The following ATP2A3 variants were observed in gnomAD, a reference collection of about 807,000 sequenced individuals.
ATP2A3 encodes sarcoplasmic/endoplasmic reticulum calcium ATPase 3.
ATP2A3 carries 61 observed loss-of-function variants against 106.8 expected under a neutral mutation model. The observed-to-expected ratio is 0.57, with a 90% CI of 0.46 to 0.71. The LOEUF (loss-of-function observed/expected upper bound fraction) is 0.71, where lower values mean the gene tolerates loss of function less well. ATP2A3 is among the 30% of genes least tolerant of loss of function. The pLI is 0.00. For synonymous variants in ATP2A3, 611 were observed against 609.3 expected, an observed-to-expected ratio of 1.00 and a Z score of -0.04; for missense variants, 1,201 against 1,423.5, an observed-to-expected ratio of 0.84 and a Z score of 2.52.
intron 10 of ATP2A3, among the ~76,000 whole-genome samples, chr17:3,943,814 G>A (rs572561369): frequency 5.9e-5 from 9 of 151,868 alleles, no homozygotes; most frequent in Non-Finnish European, 1.0e-4. Context: ...GTCTGGGCCC[G>A]CTTCCACCCT....
intron 16 of ATP2A3, 83 bp from the exon 17 acceptor site, chr17:3,935,360 T>G: frequency 2.2e-6 from 3 of 1,341,270 alleles, no homozygotes; most frequent in East Asian, 2.3e-5. Flanking sequence ...ATTCCCTGAA[T>G]TCCCTGCAGG....
chr17:3,946,022 T>G (rs955787627), intron 8 of ATP2A3, among the ~76,000 whole-genome samples: 64 of 152,002 alleles, frequency 4.2e-4, no homozygotes, highest in African/African-American at 1.4e-3. Context: ...CCGAGGCGGG[T>G]GGATCACGAG....
At chr17:3,927,782 T>C (rs1349238640) in intron 20 of ATP2A3, 7 of 980,126 alleles carry the variant, frequency 7.1e-6, no homozygotes, top group African/African-American at 3.6e-5. Context: ...GCTCAGCCCC[T>C]AGGGAATGAC....
intron 5 of ATP2A3, 44 bp from the exon 6 acceptor site, chr17:3,950,817 A>G: frequency 6.3e-7 from 1 of 1,582,660 alleles, no homozygotes; most frequent in Non-Finnish European, 8.6e-7. Context: ...TTTGGGCACC[A>G]CCAGCTGGGA....
intron 1 of ATP2A3, among the ~76,000 whole-genome samples, chr17:3,958,761 C>CACACATATATAT (rs2054938818): frequency 1.4e-5 from 2 of 146,390 alleles, no homozygotes; most frequent in African/African-American, 2.5e-5. Context: ...TATATATACA[C>CACACATATATAT]ACACATATAT....
chr17:3,943,321 T>C, intron 11 of ATP2A3, 70 bp downstream of exon 11: 1 of 1,598,128 alleles, frequency 6.3e-7, no homozygotes, highest in Middle Eastern at 1.7e-4. Context: ...CAGTGTCCTG[T>C]CTGCCTTCTC....
chr17:3,934,775 G>A (rs1291401893), intron 17 of ATP2A3, among the ~76,000 whole-genome samples: 1 of 151,502 alleles, frequency 6.6e-6, no homozygotes, highest in Non-Finnish European at 1.5e-5. Context: ...CACCCACCTC[G>A]GCCTCCCAAA....
chr17:3,943,908 C>T (rs1237782791), intron 10 of ATP2A3, among the ~76,000 whole-genome samples: 1 of 152,176 alleles, frequency 6.6e-6, no homozygotes, highest in Non-Finnish European at 1.5e-5. Flanking sequence ...CCGGGGACCC[C>T]TCAGGCCACC....
At position 3,926,095 on chromosome 17, in the gene ATP2A3, G is replaced by T. The variant is rs951639219; in HGVS notation, c.2981-654C>A. On this transcript the variant is annotated intron_variant, in intron 20 of 20. Coordinates refer to ENST00000397041, the MANE Select transcript of ATP2A3 (RefSeq NM_005173.4). The surrounding 1 kb of genome is among the most constrained non-coding windows in gnomAD (Gnocchi z 4.6). ...CTCAGCCACACCTGGGCAGAGCCAG[G>T]AGGTGGGGTGAGAGGACCGCCCCCA... is the stretch of plus-strand genomic sequence containing the variant. Among the ~76,000 whole-genome samples, 1 of 151,456 alleles carries T rather than the reference G, an allele frequency of 6.6e-6. No individual in the cohort carries two copies. The highest frequency in any genetic ancestry group is 1.5e-5 in the Non-Finnish European group (1 of 67,846).
intron 7 of ATP2A3, among the ~76,000 whole-genome samples, chr17:3,948,152 C>G (rs531724680): frequency 3.3e-5 from 5 of 152,118 alleles, no homozygotes; most frequent in Non-Finnish European, 7.3e-5. Context: ...AATCAACCAG[C>G]GCAGCACAAG....
Position 3,930,586 on chromosome 17 carries a change from G to A in ATP2A3, c.2611-152C>T. The A allele has an allele frequency of 8.5e-7, 1 of 1,172,490 alleles. No homozygotes were observed. Among genetic ancestry groups the A allele is most frequent in the Non-Finnish European group, 1.2e-6 (1 of 823,452 alleles). 72.6% of individuals were successfully genotyped at this position (1,172,490 alleles called of 1,614,324 possible). A position where few individuals can be genotyped will look rare whatever the true frequency, so the allele number is the denominator to read the frequency against. ...GGGGTGGGCTGGGGATCCCGGGAGG[G>A]GTGCGGGGTCGGGGCGGCGGTGGGG... On this transcript the variant is annotated intron_variant, in intron 17 of 20. Transcript: ENST00000397041. This position sits in a 1 kb window ranked among gnomAD's most constrained non-coding sequence, Gnocchi z 5.4.
Position 3,925,257 on chromosome 17 carries a change from G to T in ATP2A3, c.*165C>A. The T allele has an allele frequency of 8.7e-7, 1 of 1,155,592 alleles. No homozygotes were observed. Among genetic ancestry groups the T allele is most frequent in the Non-Finnish European group, 1.2e-6 (1 of 800,404 alleles). The allele number at this position is 1,155,592 out of a possible 1,614,324, so 71.6% of individuals were successfully genotyped here. A position where few individuals can be genotyped will look rare whatever the true frequency, so the allele number is the denominator to read the frequency against. The stretch of plus-strand genomic sequence containing the variant: ...GAAGGAAGTGGGGACAGAGACCCCA[G>T]GACGGGGCCCGGGGATGGCCATTCT... On this transcript the variant is annotated 3_prime_UTR_variant, in exon 21 of 21. Transcript: ENST00000397041. This position sits in a 1 kb window ranked among gnomAD's most constrained non-coding sequence, Gnocchi z 4.2.
chr17:3,942,863 C>T (rs909056481), intron 11 of ATP2A3, 132 bp from the exon 12 acceptor site: 8 of 1,345,394 alleles, frequency 5.9e-6, no homozygotes, highest in Non-Finnish European at 8.2e-6. Flanking sequence ...CTGACCCCAC[C>T]ATTCAAGGCC....
At chr17:3,951,546 G>GCCCCCCCCCCCGGGCCCCC in intron 4 of ATP2A3, 35 bp downstream of exon 4, 47 of 1,319,502 alleles carry the variant, frequency 3.6e-5, no homozygotes, top group Non-Finnish European at 4.2e-5. Context: ...CTGGGAGACC[G>GCCCCCCCCCCCGGGCCCCC]CCCCCCGCCC....
Position 3,955,475 on chromosome 17 carries a change from T to TTCACAGGAA in ATP2A3, c.119-1766_119-1765insTTCCTGTGA, listed in dbSNP as rs1459721359. Among the ~76,000 whole-genome samples, 1 of 152,248 alleles carries TTCACAGGAA rather than the reference T, an allele frequency of 6.6e-6. No individual in the cohort carries two copies. The highest frequency in any genetic ancestry group is 2.4e-5 in the African/African-American group (1 of 41,468). ...TGGCTGACATTTTCCGTGGAAAATG[T>TTCACAGGAA]AATCTCCAGTGTCCTGCGTCGAGAT... On this transcript the variant is annotated intron_variant, in intron 1 of 20. Coordinates refer to ENST00000397041, the MANE Select transcript of ATP2A3 (RefSeq NM_005173.4). This position sits in a 1 kb window ranked among gnomAD's most constrained non-coding sequence, Gnocchi z 4.2.
Position 3,941,305 on chromosome 17 carries a change from G to A in ATP2A3, c.1766C>T (p.Thr589Met), listed in dbSNP as rs776839427. ...DDCSKFVQYETDLTFVGCVGM... is the reference protein window; with the variant it reads ...DDCSKFVQYEMDLTFVGCVGM... ...TACGCAGCCCACGAAGGTCAGGTCC[G>A]TCTGTAGGGAGGGGGCAGATTCAAG... is the stretch of plus-strand genomic sequence containing the variant. The change falls in exon 14 of 21, where the codon ACG becomes ATG. Residue 589 changes from threonine (T) to methionine (M), a missense_variant and splice_region_variant. By Grantham distance (81) the Thr-to-Met change is moderately conservative (BLOSUM62 -1). Coordinates refer to ENST00000397041, the MANE Select transcript of ATP2A3 (RefSeq NM_005173.4). 1.8e-5 allele frequency: 29 copies of A among 1,613,560 alleles called. No individual in the cohort carries two copies. Among genetic ancestry groups the A allele is most frequent in the Middle Eastern group, 1.6e-4 (1 of 6,076 alleles).
chr17:3,953,252 C>A lies in ATP2A3; in HGVS notation c.219+95G>T. ...GGGCGCAGGCCCAGGGTGTGGAGGA[C>A]AGGCCCAGGCTCCAGGACCTCGGAG... On this transcript the variant is annotated intron_variant, in intron 3 of 20. Coordinates refer to ENST00000397041, the MANE Select transcript of ATP2A3 (RefSeq NM_005173.4). This position sits in a 1 kb window ranked among gnomAD's most constrained non-coding sequence, Gnocchi z 5.1. The A allele has an allele frequency of 7.2e-7, 1 of 1,380,158 alleles. No homozygotes were observed. Among genetic ancestry groups the A allele is most frequent in the African/African-American group, 1.4e-5 (1 of 70,184 alleles). 85.5% of individuals were successfully genotyped at this position (1,380,158 alleles called of 1,614,324 possible).
intron 7 of ATP2A3, 111 bp downstream of exon 7, chr17:3,950,400 G>A (rs2054346992): frequency 1.1e-5 from 13 of 1,144,594 alleles, no homozygotes; most frequent in Non-Finnish European, 1.4e-5. Context: ...CTGACCTCAG[G>A]TGATCCACCC....
Position 3,928,137 on chromosome 17 carries a change from C to T in ATP2A3, c.2980+526G>A. On this transcript the variant is annotated intron_variant, in intron 20 of 20. Transcript: ENST00000397041. The surrounding 1 kb of genome is among the most constrained non-coding windows in gnomAD (Gnocchi z 6.1). ...CACTTCTCTCCAGCCCGACACCTGCCATCCTGTCCTCTCCACTCCGGGGTT... is the reference window on the plus strand; with the variant it reads ...CACTTCTCTCCAGCCCGACACCTGCTATCCTGTCCTCTCCACTCCGGGGTT... 5.6e-6 allele frequency: 9 copies of T among 1,599,664 alleles called. No individual in the cohort carries two copies. Among genetic ancestry groups the T allele is most frequent in the Non-Finnish European group, 7.7e-6 (9 of 1,167,204 alleles).
Sources: allele counts gnomAD v4.1 joint callset (sites outside exome capture counted in the v4.1 genomes callset), GRCh38; gene constraint gnomAD v4.1.1; non-coding constraint Gnocchi (gnomAD v3.1); transcripts MANE v1.5; gene names NCBI Gene and HGNC (gene_info 2026-07-23, HGNC 2026-07-21).